The following BLK variants were observed in gnomAD, a reference collection of about 807,000 sequenced individuals.
The protein encoded by BLK is BLK proto-oncogene, Src family tyrosine kinase, also known as tyrosine-protein kinase Blk.
In BLK, 64 loss-of-function variants were observed where a neutral mutation model predicts 61.8. The ratio of observed to expected loss-of-function variants is 1.03; its 90% CI spans 0.85 to 1.27. BLK has a LOEUF of 1.27. Among genes scored for constraint, BLK ranks in the 50% most tolerant of loss-of-function variants. BLK has a pLI of 0.00. For synonymous variants in BLK, 351 were observed against 272.0 expected (o/e 1.29, Z -2.86); for missense variants, 853 against 660.5 (o/e 1.29, Z -3.19).
chr8:11,510,930 C>A (rs188392199), intron 1 of BLK, among the ~76,000 whole-genome samples: 15 of 152,138 alleles, frequency 9.9e-5, no homozygotes, highest in Non-Finnish European at 1.9e-4. Flanking sequence ...TATGGCCGTC[C>A]GTGGTTCTTA....
At chr8:11,505,614 C>T (rs186706764) in intron 1 of BLK, among the ~76,000 whole-genome samples, 1 of 152,312 alleles carries the variant, frequency 6.6e-6, no homozygotes, top group East Asian at 1.9e-4. Flanking sequence ...GAGCTCATTT[C>T]TCTGTCTTCA....
intron 1 of BLK, among the ~76,000 whole-genome samples, chr8:11,495,378 C>T (rs1041866792): frequency 6.6e-6 from 1 of 152,242 alleles, no homozygotes; most frequent in African/African-American, 2.4e-5. Context: ...GACTTAATTC[C>T]CCTCACCTTG....
At chr8:11,559,481 AC>A (rs1801385585) in intron 10 of BLK, among the ~76,000 whole-genome samples, 3 of 150,610 alleles carry the variant, frequency 2.0e-5, no homozygotes, top group Non-Finnish European at 4.4e-5. Context: ...ACAAACTCAC[AC>A]AAACACATTT....
At chr8:11,530,813 A>T (rs1418662590) in intron 1 of BLK, among the ~76,000 whole-genome samples, 1 of 152,250 alleles carries the variant, frequency 6.6e-6, no homozygotes, top group Non-Finnish European at 1.5e-5. Context: ...TAATATGAGT[A>T]ACAATGCTAA....
Position 11,547,129 on chromosome 8 carries a change from C to T in BLK, c.176-903C>T, listed in dbSNP as rs528386420. Among the ~76,000 whole-genome samples, 3 of 152,382 alleles carry T rather than the reference C, an allele frequency of 2.0e-5. No individual in the cohort carries two copies. The South Asian group carries it at 6.2e-4, about 32-fold the overall frequency. The stretch of plus-strand genomic sequence containing the variant: ...TTCAGCACACAGAGCCCAGCTCTGT[C>T]CCAGGAATGGCGAAGGGGTGACAAC... On this transcript the variant is annotated intron_variant, in intron 3 of 12. Coordinates refer to ENST00000259089, the MANE Select transcript of BLK (RefSeq NM_001715.3).
intron 1 of BLK, among the ~76,000 whole-genome samples, chr8:11,540,646 T>C (rs1365322052): frequency 6.6e-6 from 1 of 152,094 alleles, no homozygotes; most frequent in Non-Finnish European, 1.5e-5. Flanking sequence ...AAAATGTAGA[T>C]GAAATTAAAG....
intron 3 of BLK, among the ~76,000 whole-genome samples, chr8:11,547,769 C>G (rs889583250): frequency 2.6e-5 from 4 of 152,096 alleles, no homozygotes; most frequent in African/African-American, 9.7e-5. Context: ...TGGCTGACCT[C>G]TGGCCATCAG....
chr8:11,523,170 G>T (rs1398677061), intron 1 of BLK, among the ~76,000 whole-genome samples: 1 of 152,084 alleles, frequency 6.6e-6, no homozygotes, highest in Admixed American at 6.5e-5. Context: ...AACGACACAG[G>T]AAAGATTAAT....
intron 2 of BLK, among the ~76,000 whole-genome samples, chr8:11,544,729 G>A (rs1315587381): frequency 6.6e-6 from 1 of 152,128 alleles, no homozygotes; most frequent in Non-Finnish European, 1.5e-5. Context: ...TCTTCCGTGT[G>A]TTCATTTCAT....
Position 11,554,896 on chromosome 8 carries a change from G to T in BLK, c.619+7G>T, listed in dbSNP as rs368502838. 1.4e-5 allele frequency: 23 copies of T among 1,612,050 alleles called. No homozygotes were observed. Among genetic ancestry groups the T allele is most frequent in the Non-Finnish European group, 1.9e-5 (23 of 1,179,974 alleles). On this transcript the variant is annotated splice_region_variant and intron_variant, in intron 7 of 12. Transcript: ENST00000259089. ...CTGGTGCAGCACTATTCTAGTAAGA[G>T]GGGGCGTGCAATGGGGGCAGGGACT...
intron 6 of BLK, 30 bp from the exon 7 acceptor site, chr8:11,554,713 T>G (rs1585409209): frequency 6.2e-7 from 1 of 1,610,850 alleles, no homozygotes; most frequent in Admixed American, 1.7e-5. Context: ...TGTGCCTTAC[T>G]TCTCGTGTGT....
intron 1 of BLK, among the ~76,000 whole-genome samples, chr8:11,530,829 T>C (rs1468604251): frequency 1.3e-5 from 2 of 152,218 alleles, no homozygotes; most frequent in African/African-American, 4.8e-5. Flanking sequence ...GCTAAGAACA[T>C]ATATGTCAAG....
At chr8:11,523,167 C>G (rs1349157182) in intron 1 of BLK, among the ~76,000 whole-genome samples, 1 of 152,026 alleles carries the variant, frequency 6.6e-6, no homozygotes, top group East Asian at 1.9e-4. Context: ...GTGAACGACA[C>G]AGGAAAGATT....
At chr8:11,562,907 G>A in intron 11 of BLK, 72 bp from the exon 12 acceptor site, 3 of 1,603,718 alleles carry the variant, frequency 1.9e-6, no homozygotes, top group South Asian at 2.2e-5. Context: ...GCAGGAGCAG[G>A]GGTAGGGGTG....
chr8:11,513,657 C>T (rs1469544773), intron 1 of BLK, among the ~76,000 whole-genome samples: 2 of 152,210 alleles, frequency 1.3e-5, no homozygotes, highest in Non-Finnish European at 2.9e-5. Flanking sequence ...GCACCTTGGG[C>T]TGCAAAATTC....
At chr8:11,519,093 C>T (rs1443071321) in intron 1 of BLK, among the ~76,000 whole-genome samples, 1 of 152,226 alleles carries the variant, frequency 6.6e-6, no homozygotes, top group Non-Finnish European at 1.5e-5. Context: ...CTCTGCTCTC[C>T]TCCCTGCATC....
At chr8:11,533,637 G>T (rs1267770265) in intron 1 of BLK, among the ~76,000 whole-genome samples, 5 of 150,198 alleles carry the variant, frequency 3.3e-5, no homozygotes, top group Non-Finnish European at 5.9e-5. Context: ...GGAGGGGGAA[G>T]GGGAGGTGGA....
intron 7 of BLK, 25 bp from the exon 8 acceptor site, chr8:11,555,307 C>T (rs772192692): frequency 1.9e-5 from 30 of 1,613,762 alleles, no homozygotes; most frequent in Middle Eastern, 3.3e-4. Context: ...TAACCCCCAG[C>T]CCTGTCTTTT....
chr8:11,556,735 G>A lies in BLK; in HGVS notation c.850G>A (p.Glu284Lys), dbSNP rs759557311. 6.2e-6 allele frequency: 10 copies of A among 1,614,206 alleles called. No individual in the cohort carries two copies. The highest frequency in any genetic ancestry group is 6.8e-6 in the Non-Finnish European group (8 of 1,180,044). The change falls in exon 9 of 13, where the codon GAG becomes AAG. Residue 284 changes from glutamate (E) to lysine (K), a missense_variant. By Grantham distance (56) the Glu-to-Lys change is moderately conservative (BLOSUM62 1). Coordinates refer to ENST00000259089, the MANE Select transcript of BLK (RefSeq NM_001715.3). The stretch of plus-strand genomic sequence containing the variant: ...CATGTCTCCAGAAGCCTTTCTGGGT[G>A]AGGCCAACGTGATGAAGGCTCTGCA... ...GTMSPEAFLG[E>K]ANVMKALQHE... is the part of the protein sequence containing the mutation.
Sources: gnomAD v4.1 joint callset for allele counts (sites outside exome capture counted in the v4.1 genomes callset) on GRCh38, gnomAD v4.1.1 for gene constraint, MANE v1.5 for transcripts, NCBI Gene and HGNC (gene_info 2026-07-23, HGNC 2026-07-21) for gene names.